Variants in KCNB2 observed in about 807,000 individuals in gnomAD.
KCNB2 encodes the protein potassium voltage-gated channel subfamily B member 2.
Under a neutral mutation model 61.5 loss-of-function variants are expected in KCNB2, and 15 were observed. That is an observed-to-expected ratio of 0.24 (90% CI 0.16 to 0.38). The LOEUF (loss-of-function observed/expected upper bound fraction) is 0.38, where lower values mean the gene tolerates loss of function less well. KCNB2 is among the 10% of genes least tolerant of loss of function. KCNB2 has a pLI of 1.00. For missense variants in KCNB2, 828 were observed against 1,125.2 expected, an observed-to-expected ratio of 0.74 and a Z score of 3.78; for synonymous variants, 457 against 446.0, an observed-to-expected ratio of 1.02 and a Z score of -0.31.
At chr8:72,785,817 T>C (rs111746232) in intron 2 of KCNB2, among the ~76,000 whole-genome samples, 2,481 of 152,218 alleles carry the variant, frequency 0.016, 51 homozygotes, top group African/African-American at 0.051. Flanking sequence ...ATTCAGTAAC[T>C]ACTGAGTGCC....
chr8:72,581,219 C>T (rs1049171863), intron 2 of KCNB2, among the ~76,000 whole-genome samples: 3 of 152,204 alleles, frequency 2.0e-5, no homozygotes, highest in African/African-American at 7.2e-5. Flanking sequence ...GTACCTGGCA[C>T]AGTCACACAC....
chr8:72,737,505 T>C (rs560631929), intron 2 of KCNB2, among the ~76,000 whole-genome samples: 2 of 152,340 alleles, frequency 1.3e-5, no homozygotes, highest in South Asian at 4.1e-4. Context: ...TTAAAGAGAA[T>C]GTAGATCCTT....
intron 2 of KCNB2, among the ~76,000 whole-genome samples, chr8:72,744,331 C>T (rs1808021171): frequency 6.6e-6 from 1 of 152,144 alleles, no homozygotes; most frequent in Admixed American, 6.5e-5. Context: ...CTCATACCAC[C>T]TACCACAGTG....
chr8:72,744,685 G>T (rs1357066156), intron 2 of KCNB2, among the ~76,000 whole-genome samples: 1 of 152,098 alleles, frequency 6.6e-6, no homozygotes, highest in East Asian at 1.9e-4. Flanking sequence ...AACTGTCCAT[G>T]CTGAGAAGGA....
chr8:72,685,688 T>C (rs747736003), intron 2 of KCNB2, among the ~76,000 whole-genome samples: 38 of 152,176 alleles, frequency 2.5e-4, no homozygotes, highest in Admixed American at 5.9e-4. Context: ...GGCAAAGGAA[T>C]GCCAGTATAA....
intron 2 of KCNB2, among the ~76,000 whole-genome samples, chr8:72,915,495 G>A (rs1806377989): frequency 6.6e-6 from 1 of 152,144 alleles, no homozygotes; most frequent in Non-Finnish European, 1.5e-5. Context: ...AATTTAGGGA[G>A]TTCGATGTAG....
chr8:72,649,686 T>G (rs1303733678), intron 2 of KCNB2, among the ~76,000 whole-genome samples: 1 of 152,176 alleles, frequency 6.6e-6, no homozygotes, highest in African/African-American at 2.4e-5. Context: ...TCCAAAGTGT[T>G]GAGCAGTGTA....
intron 2 of KCNB2, among the ~76,000 whole-genome samples, chr8:72,816,892 A>G (rs1361843715): frequency 6.6e-6 from 1 of 152,144 alleles, no homozygotes; most frequent in African/African-American, 2.4e-5. Flanking sequence ...TCCAAAGCCA[A>G]TTGGAAGAAA....
intron 2 of KCNB2, among the ~76,000 whole-genome samples, chr8:72,644,527 G>T (rs1404164674): frequency 6.6e-6 from 1 of 152,110 alleles, no homozygotes; most frequent in African/African-American, 2.4e-5. Flanking sequence ...GAAAAGCCTT[G>T]CAAAATTGGA....
At chr8:72,711,358 A>T (rs1288715588) in intron 2 of KCNB2, among the ~76,000 whole-genome samples, 7 of 152,184 alleles carry the variant, frequency 4.6e-5, no homozygotes, top group Admixed American at 4.6e-4. Flanking sequence ...CTCCCATGCC[A>T]TGCCTGCATG....
At chr8:72,570,201 G>A (rs1461509571) in intron 2 of KCNB2, among the ~76,000 whole-genome samples, 3 of 152,072 alleles carry the variant, frequency 2.0e-5, no homozygotes, top group Non-Finnish European at 2.9e-5. Context: ...TTCAAATTAT[G>A]TCTGTATGTA....
At chr8:72,658,333 T>G (rs1253337512) in intron 2 of KCNB2, among the ~76,000 whole-genome samples, 1 of 152,226 alleles carries the variant, frequency 6.6e-6, no homozygotes. Context: ...AGCCACAACA[T>G]TTCCTTATGC....
intron 2 of KCNB2, among the ~76,000 whole-genome samples, chr8:72,908,790 A>T (rs1030266599): frequency 1.3e-5 from 2 of 152,180 alleles, no homozygotes; most frequent in Admixed American, 6.5e-5. Flanking sequence ...CAGCATTGCA[A>T]GGAAGACCCT....
chr8:72,539,414 T>A (rs1806160458), intron 1 of KCNB2, among the ~76,000 whole-genome samples: 1 of 152,064 alleles, frequency 6.6e-6, no homozygotes, highest in Admixed American at 6.6e-5. Context: ...AATACCATAA[T>A]CCCCTCCCTC....
chr8:72,577,933 CTAAGT>C (rs982747274), intron 2 of KCNB2, among the ~76,000 whole-genome samples: 3 of 152,202 alleles, frequency 2.0e-5, no homozygotes, highest in African/African-American at 7.2e-5. Flanking sequence ...CTGCTGTCAT[CTAAGT>C]TAAGTTCTTA....
intron 2 of KCNB2, among the ~76,000 whole-genome samples, chr8:72,845,966 A>G (rs1809983669): frequency 6.8e-6 from 1 of 146,676 alleles, no homozygotes; most frequent in African/African-American, 2.5e-5. Context: ...TCTTTCTGGC[A>G]TTCCAGGCAC....
chr8:72,836,435 A>T (rs908941180), intron 2 of KCNB2, among the ~76,000 whole-genome samples: 12 of 152,254 alleles, frequency 7.9e-5, no homozygotes, highest in Non-Finnish European at 1.5e-5. Flanking sequence ...CAGCAGACAG[A>T]TGCTTGTTGC....
chr8:72,539,053 C>G (rs1806154809), intron 1 of KCNB2, among the ~76,000 whole-genome samples: 1 of 145,562 alleles, frequency 6.9e-6, no homozygotes, highest in Admixed American at 7.3e-5. Flanking sequence ...TTTGTTTTAT[C>G]TATTTCACTC....
Position 72,628,972 on chromosome 8 carries a change from C to A in KCNB2, c.579+60659C>A, listed in dbSNP as rs369179249. Among the ~76,000 whole-genome samples, 19 of 152,270 alleles carry A rather than the reference C, an allele frequency of 1.2e-4. No individual in the cohort carries two copies. In the East Asian group the frequency reaches 1.5e-3, roughly 12 times the overall value. On this transcript the variant is annotated intron_variant, in intron 2 of 2. Coordinates refer to ENST00000523207, the MANE Select transcript of KCNB2 (RefSeq NM_004770.3). ...GAATTTATGAAAGCTACAAATATAA[C>A]GTACTTAACATTTTAGGCACTAAAT...
Sources: allele counts gnomAD v4.1 joint callset (sites outside exome capture counted in the v4.1 genomes callset), GRCh38; gene constraint gnomAD v4.1.1; transcripts MANE v1.5; gene names NCBI Gene and HGNC (gene_info 2026-07-23, HGNC 2026-07-21).